The following SEL1L variants were observed in gnomAD, a reference collection of about 807,000 sequenced individuals.
SEL1L encodes the protein SEL1L adaptor subunit of SYVN1 ubiquitin ligase.
Under a neutral mutation model 109.8 loss-of-function variants are expected in SEL1L, and 52 were observed. That is an observed-to-expected ratio of 0.47 (90% CI 0.38 to 0.60). The LOEUF (loss-of-function observed/expected upper bound fraction) is 0.60. SEL1L is among the 20% of genes least tolerant of loss of function. SEL1L has a pLI of 0.00. For synonymous variants in SEL1L, 373 were observed against 339.6 expected (o/e 1.10, Z -1.08); for missense variants, 749 against 962.2 (o/e 0.78, Z 2.93).
At chr14:81,506,838 T>G (rs1884259594) in intron 3 of SEL1L, among the ~76,000 whole-genome samples, 1 of 152,212 alleles carries the variant, frequency 6.6e-6, no homozygotes, top group Admixed American at 6.5e-5. Flanking sequence ...TGAGTATCTC[T>G]TAGGTGTTGA....
rs1167466610 is a variant in SEL1L, at chr14:81,476,566, T to C, written c.*406A>G. 6.2e-6 allele frequency: 1 copy of C among 160,706 alleles called. No homozygotes were observed. Among genetic ancestry groups the C allele is most frequent in the African/African-American group, 2.4e-5 (1 of 41,752 alleles). 10.0% of individuals were successfully genotyped at this position (160,706 alleles called of 1,614,324 possible). A position where few individuals can be genotyped will look rare whatever the true frequency, so the allele number is the denominator to read the frequency against. ...TAAACTTGCAACTGGGTTTTCCTTT[T>C]TACACTGATCAGTTTTTAGTGTCGA... On this transcript the variant is annotated 3_prime_UTR_variant, in exon 21 of 21. Transcript: ENST00000336735.
intron 1 of SEL1L, 91 bp downstream of exon 1, chr14:81,533,584 G>A: frequency 3.2e-6 from 4 of 1,241,976 alleles, no homozygotes; most frequent in Non-Finnish European, 4.6e-6. Flanking sequence ...GGAGAACGGG[G>A]TCCCGAGCCT....
intron 3 of SEL1L, among the ~76,000 whole-genome samples, chr14:81,509,698 C>T (rs1884384924): frequency 6.6e-6 from 1 of 152,080 alleles, no homozygotes; most frequent in South Asian, 2.1e-4. Context: ...GGTAAATAGG[C>T]CCTTTCATAC....
At position 81,472,865 on chromosome 14, in the gene SEL1L, TA is replaced by T. The variant is rs1264028646; in HGVS notation, c.*4106del. ...CATTAAAAAATTGAATCATTCAGCT[TA>T]AAAAAAGTCTGTCTGGAAAGGTGCT... On this transcript the variant is annotated 3_prime_UTR_variant, in exon 21 of 21. Coordinates refer to ENST00000336735, the MANE Select transcript of SEL1L (RefSeq NM_005065.6). 8.5e-6 allele frequency: 2 copies of T among 236,504 alleles called. No homozygotes were observed. Among genetic ancestry groups the T allele is most frequent in the African/African-American group, 2.3e-5 (1 of 42,750 alleles). The allele number at this position is 236,504 out of a possible 1,614,324, so 14.7% of individuals were successfully genotyped here.
In SEL1L at chr14:81,473,550, T is replaced by C. The variant is rs1170102543; in HGVS notation, c.*3422A>G. 6.6e-6 allele frequency: 1 copy of C among 152,190 alleles called. No individual in the cohort carries two copies. Among genetic ancestry groups the C allele is most frequent in the Non-Finnish European group, 1.5e-5 (1 of 68,024 alleles). 9.4% of individuals were successfully genotyped at this position (152,190 alleles called of 1,614,324 possible). A position where few individuals can be genotyped will look rare whatever the true frequency, so the allele number is the denominator to read the frequency against. On this transcript the variant is annotated 3_prime_UTR_variant, in exon 21 of 21. Transcript: ENST00000336735. ...TTGTTCTGATCATTTCTTACATACT[T>C]CTAGTCATAATAATGTGTAATACAT... is the stretch of plus-strand genomic sequence containing the variant.
At chr14:81,505,579 G>T (rs1884207832) in intron 4 of SEL1L, among the ~76,000 whole-genome samples, 1 of 152,074 alleles carries the variant, frequency 6.6e-6, no homozygotes, top group Non-Finnish European at 1.5e-5. Context: ...TCATAGTTAG[G>T]AAGTTTTTCC....
chr14:81,501,923 G>A (rs1884026764), intron 6 of SEL1L, among the ~76,000 whole-genome samples: 1 of 151,762 alleles, frequency 6.6e-6, no homozygotes, highest in South Asian at 2.1e-4. Flanking sequence ...AAGCCACCAT[G>A]AAAACAAACT....
chr14:81,502,391 C>T (rs1046221309), intron 6 of SEL1L, among the ~76,000 whole-genome samples: 2 of 152,108 alleles, frequency 1.3e-5, no homozygotes, highest in Non-Finnish European at 2.9e-5. Context: ...TTAACATGAG[C>T]TGCAACATCT....
chr14:81,502,543 A>T (rs891506464), intron 6 of SEL1L, among the ~76,000 whole-genome samples, 178 bp downstream of exon 6: 1 of 152,222 alleles, frequency 6.6e-6, no homozygotes, highest in Non-Finnish European at 1.5e-5. Context: ...CATGACCATA[A>T]ATGTTCCCAG....
At chr14:81,527,445 A>T in intron 2 of SEL1L, among the ~76,000 whole-genome samples, 1 of 65,124 alleles carries the variant, frequency 1.5e-5, no homozygotes, top group Non-Finnish European at 5.0e-5. Flanking sequence ...ACTTACACAC[A>T]CACACACACA....
At position 81,533,710 on chromosome 14, in the gene SEL1L, C is replaced by CA. The variant is rs1212197428; in HGVS notation, c.34dup (p.Cys12LeufsTer14). 6.2e-7 allele frequency: 1 copy of CA among 1,613,662 alleles called. No individual in the cohort carries two copies. The highest frequency in any genetic ancestry group is 8.5e-7 in the Non-Finnish European group (1 of 1,179,878). On this transcript the variant is annotated frameshift_variant, in exon 1 of 21. Transcript: ENST00000336735. LOFTEE classifies it high-confidence loss of function. Reference sequence around the variant, plus strand: ...CGAGGCCAAGCTCAGCAGCACCGCACACAGCAGCAGCGTCAGCCCTATCCG... The same window carrying CA: ...CGAGGCCAAGCTCAGCAGCACCGCACAACAGCAGCAGCGTCAGCCCTATCCG...
rs1245960080 is a variant in SEL1L at position 81,476,755 on chromosome 14, A to G, written c.*217T>C. On this transcript the variant is annotated 3_prime_UTR_variant, in exon 21 of 21. Transcript: ENST00000336735. ...AAGCCACTGAAAGTTGTTATTCCATATGGCACTGAAACAAACATTCAGCTC... is the reference window on the plus strand; with the variant it reads ...AAGCCACTGAAAGTTGTTATTCCATGTGGCACTGAAACAAACATTCAGCTC... The G allele has an allele frequency of 7.6e-6, 4 of 526,806 alleles. No homozygotes were observed. The highest frequency in any genetic ancestry group is 1.3e-5 in the Non-Finnish European group (4 of 296,758). 32.6% of individuals were successfully genotyped at this position (526,806 alleles called of 1,614,324 possible). A position where few individuals can be genotyped will look rare whatever the true frequency, so the allele number is the denominator to read the frequency against.
In SEL1L at chr14:81,508,680, G is replaced by A. The variant is rs143102093; in HGVS notation, c.341-2439C>T. Among the ~76,000 whole-genome samples, 1,471 of 152,216 alleles carry A rather than the reference G, an allele frequency of 9.7e-3. 34 individuals carry two copies. Among genetic ancestry groups the A allele is most frequent in the African/African-American group, 0.034 (1,407 of 41,508 alleles). On this transcript the variant is annotated intron_variant, in intron 3 of 20. Transcript: ENST00000336735. ...GGAGGATCACTTGAACCTGGGAGGCGGAGGTTGCAGTGAGCCGAGAAAGCG... is the reference window on the plus strand; with the variant it reads ...GGAGGATCACTTGAACCTGGGAGGCAGAGGTTGCAGTGAGCCGAGAAAGCG...
At chr14:81,513,776 G>GGGA (rs375643436) in intron 3 of SEL1L, among the ~76,000 whole-genome samples, 138 of 152,224 alleles carry the variant, frequency 9.1e-4, no homozygotes, top group African/African-American at 3.2e-3. Flanking sequence ...CTTCGGAATT[G>GGGA]GGAGCGTTGG....
rs1054151576 is a variant in SEL1L, at chr14:81,473,819, A to C, written c.*3153T>G. The C allele has an allele frequency of 6.6e-6, 1 of 152,168 alleles. No individual in the cohort carries two copies. Among genetic ancestry groups the C allele is most frequent in the African/African-American group, 2.4e-5 (1 of 41,456 alleles). 9.4% of individuals were successfully genotyped at this position (152,168 alleles called of 1,614,324 possible). ...AGGCCTGCATGCATACTTCCAAAAC[A>C]CTGGTTTGAAGAATGAACATGAGGA... On this transcript the variant is annotated 3_prime_UTR_variant, in exon 21 of 21. Coordinates refer to ENST00000336735, the MANE Select transcript of SEL1L (RefSeq NM_005065.6).
intron 3 of SEL1L, among the ~76,000 whole-genome samples, chr14:81,523,218 T>C (rs1389579385): frequency 6.6e-6 from 1 of 152,148 alleles, no homozygotes; most frequent in African/African-American, 2.4e-5. Flanking sequence ...AGGGTTAGAA[T>C]TTACAGTCCC....
Position 81,533,724 on chromosome 14 carries a change from C to T in SEL1L, c.21G>A (p.Leu7=), listed in dbSNP as rs377537464. 7.4e-6 allele frequency: 12 copies of T among 1,613,488 alleles called. No homozygotes were observed. In the African/African-American group the frequency reaches 1.6e-4, roughly 22 times the overall value. MRVRIG[L]TLLLCAVLLS... is the part of the protein sequence containing the mutation. Reference sequence around the variant, plus strand: ...GCAGCACCGCACACAGCAGCAGCGTCAGCCCTATCCGGACCCGCATCCTCC... The same window carrying T: ...GCAGCACCGCACACAGCAGCAGCGTTAGCCCTATCCGGACCCGCATCCTCC... Residue 7 remains leucine (L), a synonymous_variant, in exon 1 of 21, where the codon CTG becomes CTA. Transcript: ENST00000336735.
intron 3 of SEL1L, among the ~76,000 whole-genome samples, chr14:81,510,472 ATCTC>A (rs374089460): frequency 0.06 from 7,082 of 118,670 alleles, 264 homozygotes; most frequent in African/African-American, 0.1. Context: ...TAGAATGCTG[ATCTC>A]TCTCTCTCTC....
intron 20 of SEL1L, 122 bp from the exon 21 acceptor site, chr14:81,477,303 A>ATGTGTGTTG: frequency 1.8e-6 from 1 of 540,552 alleles, no homozygotes; most frequent in East Asian, 3.1e-5. Flanking sequence ...ACGTTTTGCA[A>ATGTGTGTTG]TGTGTGTGTG....
Sources: allele counts gnomAD v4.1 joint callset (sites outside exome capture counted in the v4.1 genomes callset), GRCh38; gene constraint gnomAD v4.1.1; transcripts MANE v1.5; gene names NCBI Gene and HGNC (gene_info 2026-07-23, HGNC 2026-07-21).